Variants in CACNA1A observed in about 807,000 individuals in gnomAD.
CACNA1A encodes voltage-dependent P/Q-type calcium channel subunit alpha-1A.
In CACNA1A, 57 loss-of-function variants were observed where a neutral mutation model predicts 262.4. The observed-to-expected ratio is 0.22, with a 90% CI of 0.18 to 0.27. The LOEUF (loss-of-function observed/expected upper bound fraction) is 0.27. CACNA1A is among the 10% of genes least tolerant of loss of function. The probability of loss-of-function intolerance (pLI) is 1.00; values close to 1 mark genes in which losing one functional copy is unlikely to be tolerated. For synonymous variants in CACNA1A, 1,431 were observed against 1,419.3 expected (o/e 1.01, Z -0.18); for missense variants, 2,526 against 3,562.8 (o/e 0.71, Z 7.41).
chr19:13,353,957 T>C (rs567214629), intron 6 of CACNA1A, among the ~76,000 whole-genome samples: 1 of 152,350 alleles, frequency 6.6e-6, no homozygotes, highest in Admixed American at 6.5e-5. Flanking sequence ...ATTTGCTTAG[T>C]GTCTCCTGCT....
At chr19:13,461,111 G>A (rs1481592076) in intron 1 of CACNA1A, among the ~76,000 whole-genome samples, 3 of 151,990 alleles carry the variant, frequency 2.0e-5, no homozygotes, top group East Asian at 1.9e-4. Context: ...AGGCCGAGGC[G>A]GGTGGATCAC....
intron 6 of CACNA1A, among the ~76,000 whole-genome samples, chr19:13,346,265 A>G (rs2058762492): frequency 6.6e-6 from 1 of 151,732 alleles, no homozygotes; most frequent in Admixed American, 6.6e-5. Context: ...CTCACTCCCC[A>G]CTGGACATCT....
chr19:13,282,285 C>A (rs1260932026), intron 22 of CACNA1A, among the ~76,000 whole-genome samples: 2 of 152,104 alleles, frequency 1.3e-5, no homozygotes, highest in Admixed American at 1.3e-4. Flanking sequence ...GAGCCTTGGA[C>A]CAGCAGAAAA....
chr19:13,268,855 C>G (rs1002019553), intron 24 of CACNA1A, among the ~76,000 whole-genome samples: 3 of 148,280 alleles, frequency 2.0e-5, no homozygotes, highest in Non-Finnish European at 4.5e-5. Flanking sequence ...TTCAGTGTAT[C>G]TAGGAATTAT....
At chr19:13,313,239 C>T (rs1043938905) in intron 11 of CACNA1A, among the ~76,000 whole-genome samples, 11 of 151,960 alleles carry the variant, frequency 7.2e-5, no homozygotes, top group South Asian at 4.1e-4. Flanking sequence ...TGGTGGCTCA[C>T]GTCTGTAATC....
intron 10 of CACNA1A, among the ~76,000 whole-genome samples, chr19:13,320,547 A>C (rs1031622981): frequency 6.6e-6 from 1 of 151,938 alleles, no homozygotes; most frequent in Non-Finnish European, 1.5e-5. Context: ...CCAGCCATTG[A>C]GAAAGTCCTT....
intron 5 of CACNA1A, chr19:13,364,379 T>C (rs1041774267): frequency 3.9e-5 from 6 of 152,240 alleles, no homozygotes; most frequent in Non-Finnish European, 8.8e-5. Context: ...TTCCACAAGG[T>C]ACCACTCACA....
chr19:13,308,001 G>T lies in CACNA1A; in HGVS notation c.1913+119C>A. ...GTGGTACCCAGGGCCCTGCCCATTT[G>T]GGTGACCGCAATGGGTGTCTGGGCT... On this transcript the variant is annotated intron_variant, in intron 14 of 46. Transcript: ENST00000360228. This position sits in a 1 kb window ranked among gnomAD's most constrained non-coding sequence, Gnocchi z 4.2. The T allele has an allele frequency of 7.0e-7, 1 of 1,422,846 alleles. No homozygotes were observed. Among genetic ancestry groups the T allele is most frequent in the Non-Finnish European group, 9.7e-7 (1 of 1,026,668 alleles). 88.1% of individuals were successfully genotyped at this position (1,422,846 alleles called of 1,614,324 possible).
chr19:13,340,152 G>C (rs1001905204), intron 6 of CACNA1A, among the ~76,000 whole-genome samples: 2 of 54,514 alleles, frequency 3.7e-5, no homozygotes, highest in Non-Finnish European at 3.2e-5. Context: ...GGGGGAGAGG[G>C]ACAGGACTGA....
intron 1 of CACNA1A, among the ~76,000 whole-genome samples, chr19:13,488,996 TTCTTTTC>T (rs1980401256): frequency 3.5e-5 from 5 of 143,680 alleles, no homozygotes; most frequent in African/African-American, 1.4e-4. Context: ...TTAATTTCTT[TTCTTTTC>T]TTTTTTTTTT....
At chr19:13,432,746 AAAT>A (rs2060535332) in intron 3 of CACNA1A, among the ~76,000 whole-genome samples, 1 of 151,522 alleles carries the variant, frequency 6.6e-6, no homozygotes, top group African/African-American at 2.4e-5. Flanking sequence ...TCACCACAAA[AAAT>A]AAGTATGCGA....
chr19:13,263,763 C>T (rs2056796737), intron 24 of CACNA1A, among the ~76,000 whole-genome samples: 4 of 151,950 alleles, frequency 2.6e-5, no homozygotes, highest in Non-Finnish European at 5.9e-5. Flanking sequence ...TCAGGTGATC[C>T]ACCCACCTTG....
intron 1 of CACNA1A, among the ~76,000 whole-genome samples, chr19:13,469,861 C>T (rs1481251678): frequency 6.6e-6 from 1 of 152,016 alleles, no homozygotes; most frequent in African/African-American, 2.4e-5. Context: ...CGCCATTTCT[C>T]AGGACCCTCT....
chr19:13,273,983 A>C (rs1333039292), intron 24 of CACNA1A: 1 of 151,856 alleles, frequency 6.6e-6, no homozygotes, highest in Non-Finnish European at 1.5e-5. Context: ...CCTGGGCTCA[A>C]GCAATCTGCC....
chr19:13,248,853 AAAT>A (rs2056322733), intron 30 of CACNA1A, among the ~76,000 whole-genome samples: 1 of 146,342 alleles, frequency 6.8e-6, no homozygotes, highest in African/African-American at 2.5e-5. Flanking sequence ...AAAAAAAAAA[AAAT>A]AATAATAAAT....
At chr19:13,372,493 A>G (rs185673718) in intron 3 of CACNA1A, among the ~76,000 whole-genome samples, 139 of 152,268 alleles carry the variant, frequency 9.1e-4, no homozygotes, top group African/African-American at 3.2e-3. Flanking sequence ...TCTTTAACAA[A>G]TGGCAGGAAA....
At chr19:13,263,303 G>T in intron 24 of CACNA1A, 1 of 168,100 alleles carries the variant, frequency 5.9e-6, no homozygotes. Context: ...AAGTAGCTGG[G>T]ACTACAGGCA....
chr19:13,356,418 G>A (rs1036642872), intron 6 of CACNA1A, among the ~76,000 whole-genome samples: 2 of 152,196 alleles, frequency 1.3e-5, no homozygotes, highest in African/African-American at 4.8e-5. Context: ...AGAGTCGGAA[G>A]GAACCCAGAC....
rs1453419350 is a variant in CACNA1A at position 13,330,255 on chromosome 19, A to T, written c.1334T>A (p.Ile445Lys). 1 of 1,556,472 alleles carries T rather than the reference A, an allele frequency of 6.4e-7. No homozygotes were observed. Among genetic ancestry groups the T allele is most frequent in the Non-Finnish European group, 8.7e-7 (1 of 1,148,836 alleles). ...PEEAEDQLADIASVGSPFARA... is the reference protein window; with the variant it reads ...PEEAEDQLADKASVGSPFARA... ...AGGAAGGGACTCACCCACAGAGGCT[A>T]TATCAGCCAGCTGATCCTCAGCCTC... The change falls in exon 10 of 47, where the codon ATA becomes AAA. Residue 445 changes from isoleucine (I) to lysine (K), a missense_variant. By Grantham distance (102) the Ile-to-Lys change is moderately radical. Around this residue, in one of 17 missense-constraint regions of CACNA1A, gnomAD observed 104 missense variants for 127.6 expected, o/e 0.81. Transcript: ENST00000360228.
Sources: gnomAD v4.1 joint callset for allele counts (sites outside exome capture counted in the v4.1 genomes callset) on GRCh38, gnomAD v4.1.1 for gene constraint, gnomAD v4.1.1 regional missense constraint, Gnocchi (gnomAD v3.1) non-coding constraint, MANE v1.5 for transcripts, NCBI Gene and HGNC (gene_info 2026-07-23, HGNC 2026-07-21) for gene names.